The following SLC25A21 variants were observed in gnomAD, a reference collection of about 807,000 sequenced individuals.
The protein encoded by SLC25A21 is solute carrier family 25 member 21.
In SLC25A21, 47 loss-of-function variants were observed where a neutral mutation model predicts 43.8. The ratio of observed to expected loss-of-function variants is 1.07; its 90% CI spans 0.85 to 1.37. SLC25A21 has a LOEUF of 1.37. Among genes scored for constraint, SLC25A21 ranks in the 40% most tolerant of loss-of-function variants. The pLI is 0.00. For missense variants in SLC25A21, 352 were observed against 350.2 expected (o/e 1.00, Z -0.04); for synonymous variants, 131 against 121.3 (o/e 1.08, Z -0.52).
intron 1 of SLC25A21, among the ~76,000 whole-genome samples, chr14:37,044,802 C>T (rs1961553059): frequency 6.6e-6 from 1 of 152,132 alleles, no homozygotes; most frequent in Admixed American, 6.6e-5. Context: ...GAAGTGATCT[C>T]CAACTTTTTT....
chr14:36,782,985 TAAAA>T (rs927328851), intron 3 of SLC25A21, among the ~76,000 whole-genome samples: 1 of 146,508 alleles, frequency 6.8e-6, no homozygotes, highest in African/African-American at 2.5e-5. Flanking sequence ...AAATAAAAAA[TAAAA>T]AAAATAAAAA....
intron 2 of SLC25A21, among the ~76,000 whole-genome samples, chr14:36,821,083 G>A (rs2138460526): frequency 1.3e-5 from 2 of 152,302 alleles, no homozygotes; most frequent in Middle Eastern, 6.8e-3. Context: ...CATAGCCAAA[G>A]TCAGACCAAA....
At chr14:37,058,105 T>C (rs887204761) in intron 1 of SLC25A21, among the ~76,000 whole-genome samples, 1 of 152,208 alleles carries the variant, frequency 6.6e-6, no homozygotes, top group African/African-American at 2.4e-5. Flanking sequence ...GTTCAAAATT[T>C]TATTAAACAA....
At chr14:37,145,888 G>C (rs1272074895) in intron 1 of SLC25A21, among the ~76,000 whole-genome samples, 1 of 152,056 alleles carries the variant, frequency 6.6e-6, no homozygotes, top group East Asian at 1.9e-4. Flanking sequence ...GAGTAACCAG[G>C]GCAGGAAAAC....
chr14:36,828,040 G>A (rs1282116263), intron 2 of SLC25A21, among the ~76,000 whole-genome samples: 2 of 151,994 alleles, frequency 1.3e-5, no homozygotes, highest in East Asian at 1.9e-4. Flanking sequence ...GGCTAGGACC[G>A]ATGTGTCTCA....
rs377688146 is a variant in SLC25A21 at position 36,998,195 on chromosome 14, G to C, written c.71-123191C>G. On this transcript the variant is annotated intron_variant, in intron 1 of 9. Transcript: ENST00000331299. ...GAGTTAAACAGGTTCCTTACTGTGAGATTTCTCAGAGCCTTAAAAACGATC... is the reference window on the plus strand; with the variant it reads ...GAGTTAAACAGGTTCCTTACTGTGACATTTCTCAGAGCCTTAAAAACGATC... 3.1e-4 allele frequency among the ~76,000 whole-genome samples: 47 copies of C among 152,266 alleles called. No individual in the cohort carries two copies. In the East Asian group the frequency reaches 7.3e-3, roughly 24 times the overall value.
intron 1 of SLC25A21, among the ~76,000 whole-genome samples, chr14:36,923,933 C>G (rs1892053541): frequency 6.6e-6 from 1 of 152,170 alleles, no homozygotes; most frequent in African/African-American, 2.4e-5. Context: ...AAATGCTCAT[C>G]ATCACTGGCC....
At chr14:36,812,751 C>A (rs557727884) in intron 3 of SLC25A21, among the ~76,000 whole-genome samples, 3 of 152,186 alleles carry the variant, frequency 2.0e-5, no homozygotes, top group African/African-American at 7.2e-5. Flanking sequence ...CCTGGCAAGA[C>A]AGGTAGTGAT....
At chr14:36,705,791 T>A (rs1883527921) in intron 7 of SLC25A21, among the ~76,000 whole-genome samples, 1 of 152,166 alleles carries the variant, frequency 6.6e-6, no homozygotes, top group African/African-American at 2.4e-5. Flanking sequence ...ATCTCAGATT[T>A]CCTTGGAACA....
At chr14:36,935,149 C>G (rs1362808357) in intron 1 of SLC25A21, among the ~76,000 whole-genome samples, 1 of 152,098 alleles carries the variant, frequency 6.6e-6, no homozygotes, top group African/African-American at 2.4e-5. Flanking sequence ...ATCCTAAAAC[C>G]CTGGCTGGTA....
chr14:37,010,708 T>C (rs751314052), intron 1 of SLC25A21, among the ~76,000 whole-genome samples: 1 of 152,222 alleles, frequency 6.6e-6, no homozygotes, highest in East Asian at 1.9e-4. Context: ...TTTAACAGTT[T>C]TGAATGCATA....
chr14:37,063,048 A>C (rs577534210), intron 1 of SLC25A21, among the ~76,000 whole-genome samples: 1 of 152,326 alleles, frequency 6.6e-6, no homozygotes, highest in East Asian at 1.9e-4. Flanking sequence ...AGAGAGAATG[A>C]GTGCCCAGCA....
At chr14:37,134,802 G>A (rs185855939) in intron 1 of SLC25A21, among the ~76,000 whole-genome samples, 1 of 152,166 alleles carries the variant, frequency 6.6e-6, no homozygotes, top group East Asian at 1.9e-4. Context: ...CCTTAATATT[G>A]TATGTCTTGG....
intron 1 of SLC25A21, among the ~76,000 whole-genome samples, chr14:37,159,672 G>C (rs1352132981): frequency 1.3e-5 from 2 of 151,950 alleles, no homozygotes; most frequent in Admixed American, 1.3e-4. Context: ...TTTCAGCAAG[G>C]AATTTATGAC....
chr14:36,780,200 AATTTTTG>A (rs1887002563), intron 3 of SLC25A21, among the ~76,000 whole-genome samples: 2 of 151,626 alleles, frequency 1.3e-5, no homozygotes, highest in South Asian at 4.2e-4. Flanking sequence ...TCTTCTCTTT[AATTTTTG>A]ATTTTGAGTC....
intron 2 of SLC25A21, among the ~76,000 whole-genome samples, chr14:36,826,897 C>T (rs940607474): frequency 2.6e-5 from 4 of 152,176 alleles, no homozygotes; most frequent in Non-Finnish European, 4.4e-5. Flanking sequence ...TGGCTATGTG[C>T]GCCTGTCCCT....
chr14:37,015,310 T>A (rs111775086), intron 1 of SLC25A21, among the ~76,000 whole-genome samples: 39 of 149,054 alleles, frequency 2.6e-4, no homozygotes, highest in Admixed American at 1.7e-3. Flanking sequence ...TTTGTCCTTG[T>A]GATAGTTTGC....
intron 3 of SLC25A21, among the ~76,000 whole-genome samples, chr14:36,739,014 T>G (rs1224204327): frequency 6.6e-6 from 1 of 152,214 alleles, no homozygotes; most frequent in African/African-American, 2.4e-5. Flanking sequence ...AAATAAGATA[T>G]AGCAACCTAA....
intron 1 of SLC25A21, among the ~76,000 whole-genome samples, chr14:36,965,508 A>T (rs980685732): frequency 1.3e-5 from 2 of 152,196 alleles, no homozygotes; most frequent in Admixed American, 1.3e-4. Flanking sequence ...AGACAATGTT[A>T]TAGTTTCTAA....
Sources: allele counts gnomAD v4.1 joint callset (sites outside exome capture counted in the v4.1 genomes callset), GRCh38; gene constraint gnomAD v4.1.1; transcripts MANE v1.5; gene names NCBI Gene and HGNC (gene_info 2026-07-23, HGNC 2026-07-21).